TUSC3: variants seen among roughly 807,000 people sequenced by gnomAD.
TUSC3 encodes the protein tumor suppressor candidate 3, also known as dolichyl-diphosphooligosaccharide--protein glycosyltransferase subunit TUSC3.
In TUSC3, 45 loss-of-function variants were observed where a neutral mutation model predicts 44.8. That is an observed-to-expected ratio of 1.00 (90% CI 0.79 to 1.29). TUSC3 has a LOEUF of 1.29. TUSC3 is among the 50% of genes most tolerant of loss of function. The probability of loss-of-function intolerance (pLI) is 0.00; values close to 1 mark genes in which losing one functional copy is unlikely to be tolerated. For synonymous variants in TUSC3, 212 were observed against 152.9 expected (o/e 1.39, Z -2.85); for missense variants, 519 against 437.9 (o/e 1.19, Z -1.65).
rs141160572 is a variant in TUSC3 at position 15,528,832 on chromosome 8, A to G, written n.189+45349A>G. Among the ~76,000 whole-genome samples, 341 of 152,284 alleles carry G rather than the reference A, an allele frequency of 2.2e-3. 3 individuals carry two copies. The highest frequency in any genetic ancestry group is 1.1e-3 in the Non-Finnish European group (77 of 68,002). The stretch of plus-strand genomic sequence containing the variant: ...TCATTAAGATACCTTGAATTTTCTT[A>G]GTGAGTCTAGGAAAACTCTGAATGC... On this transcript the variant is annotated intron_variant and non_coding_transcript_variant, in intron 2 of 5. Coordinates refer to the TUSC3 transcript ENST00000503191.
rs574667292 is a variant in TUSC3, at chr8:15,684,976, C to G, written c.798+11140C>G. ...CGGGGTTACATGGATCAGATGCACC[C>G]CAGTCCTGTGGCAATGGTGGCCCTG... On this transcript the variant is annotated intron_variant, in intron 6 of 10. Coordinates refer to ENST00000503731, the MANE Select transcript of TUSC3 (RefSeq NM_006765.4). Among the ~76,000 whole-genome samples the G allele has an allele frequency of 2.0e-5, 3 of 152,272 alleles. No homozygotes were observed. In the South Asian group the frequency reaches 6.2e-4, roughly 32 times the overall value.
At chr8:15,692,259 TAAA>T (rs930821538) in intron 6 of TUSC3, among the ~76,000 whole-genome samples, 2 of 151,096 alleles carry the variant, frequency 1.3e-5, no homozygotes, top group Admixed American at 1.3e-4. Context: ...TCCATGTTCA[TAAA>T]AAAATATTGG....
At chr8:15,642,696 A>G (rs1255253391) in intron 2 of TUSC3, among the ~76,000 whole-genome samples, 1 of 152,150 alleles carries the variant, frequency 6.6e-6, no homozygotes, top group Non-Finnish European at 1.5e-5. Context: ...CAATATATAT[A>G]TATGAATTTA....
intron 1 of TUSC3, among the ~76,000 whole-genome samples, chr8:15,581,710 G>C (rs1803352560): frequency 7.1e-6 from 1 of 139,942 alleles, no homozygotes; most frequent in South Asian, 2.2e-4. Flanking sequence ...GAGAACCACT[G>C]CTCTCTTCAA....
At chr8:15,529,476 A>G (rs981906223) in intron 2 of TUSC3, among the ~76,000 whole-genome samples, 18 of 152,318 alleles carry the variant, frequency 1.2e-4, no homozygotes, top group Admixed American at 7.2e-4. Flanking sequence ...TTCACTGAAG[A>G]TACAGTTTAA....
rs143807134 is a variant in TUSC3, at chr8:15,634,869, T to C, written c.308+11620T>C. ...CTGGAGAGTTTTAGTATGAGAGATATAAGGGCATTTCAATGAAATTTATAG... is the reference window on the plus strand; with the variant it reads ...CTGGAGAGTTTTAGTATGAGAGATACAAGGGCATTTCAATGAAATTTATAG... On this transcript the variant is annotated intron_variant, in intron 2 of 10. Coordinates refer to ENST00000503731, the MANE Select transcript of TUSC3 (RefSeq NM_006765.4). Among the ~76,000 whole-genome samples the C allele has an allele frequency of 2.1e-3, 322 of 152,322 alleles. 2 individuals carry two copies. Among genetic ancestry groups the C allele is most frequent in the African/African-American group, 7.0e-3 (293 of 41,578 alleles).
chr8:15,828,080 C>T, the TUSC3 span, among the ~76,000 whole-genome samples: 1 of 150,996 alleles, frequency 6.6e-6, no homozygotes, highest in African/African-American at 2.4e-5. Flanking sequence ...CTGCAACCTC[C>T]ACCTCCCGGG....
At chr8:15,828,808 G>A in the TUSC3 span, among the ~76,000 whole-genome samples, 1 of 152,082 alleles carries the variant, frequency 6.6e-6, no homozygotes, top group East Asian at 1.9e-4. Flanking sequence ...ACTCTCTAAG[G>A]CTGAAAACAG....
intron 9 of TUSC3, among the ~76,000 whole-genome samples, chr8:15,757,373 A>G (rs556503824): frequency 1.3e-4 from 20 of 152,342 alleles, no homozygotes; most frequent in Admixed American, 2.6e-4. Flanking sequence ...ATTCATACCA[A>G]TTTTGAAAAA....
chr8:15,744,163 G>T (rs559063814), intron 8 of TUSC3, among the ~76,000 whole-genome samples: 1 of 152,212 alleles, frequency 6.6e-6, no homozygotes, highest in Non-Finnish European at 1.5e-5. Flanking sequence ...GATATACCAA[G>T]ATTTACAACT....
At chr8:15,418,956 T>G (rs748453733) in intron 1 of TUSC3, among the ~76,000 whole-genome samples, 1 of 152,108 alleles carries the variant, frequency 6.6e-6, no homozygotes, top group Admixed American at 6.5e-5. Flanking sequence ...CAGTGAGCCA[T>G]GATCAAACAC....
chr8:15,610,691 T>TA (rs1048074347), intron 1 of TUSC3, among the ~76,000 whole-genome samples: 37 of 152,288 alleles, frequency 2.4e-4, no homozygotes, highest in Admixed American at 6.5e-5. Context: ...TAAACCCCTT[T>TA]AAAAAAGTGA....
intron 1 of TUSC3, among the ~76,000 whole-genome samples, chr8:15,467,376 A>C (rs1328402226): frequency 6.6e-6 from 1 of 152,058 alleles, no homozygotes; most frequent in Non-Finnish European, 1.5e-5. Flanking sequence ...ACTATATCTG[A>C]AACATGGTGT....
intron 8 of TUSC3, among the ~76,000 whole-genome samples, chr8:15,744,526 A>G (rs1456627664): frequency 2.6e-5 from 4 of 152,126 alleles, no homozygotes; most frequent in Non-Finnish European, 5.9e-5. Context: ...TAAGATATTT[A>G]AAATAAAAAT....
chr8:15,497,026 A>G (rs950618478), intron 2 of TUSC3, among the ~76,000 whole-genome samples: 1 of 152,236 alleles, frequency 6.6e-6, no homozygotes, highest in African/African-American at 2.4e-5. Flanking sequence ...AAGATAGGGG[A>G]AGCAGATGAT....
intron 10 of TUSC3, among the ~76,000 whole-genome samples, chr8:15,761,610 G>C (rs1258873696): frequency 6.6e-6 from 1 of 152,192 alleles, no homozygotes; most frequent in Admixed American, 6.5e-5. Context: ...TGCACATGCA[G>C]ACTACTACTA....
the TUSC3 span, among the ~76,000 whole-genome samples, chr8:15,793,766 G>A: frequency 2.0e-5 from 3 of 152,188 alleles, no homozygotes; most frequent in Non-Finnish European, 2.9e-5. Flanking sequence ...ACAACACCTG[G>A]CACATATAGG....
At chr8:15,842,593 C>A in the TUSC3 span, among the ~76,000 whole-genome samples, 1 of 152,094 alleles carries the variant, frequency 6.6e-6, no homozygotes, top group African/African-American at 2.4e-5. Flanking sequence ...CCTGTGCATG[C>A]AAAGCAAGAT....
chr8:15,770,248 CATA>C (rs1393527428), downstream of TUSC3, among the ~76,000 whole-genome samples: 4 of 152,146 alleles, frequency 2.6e-5, no homozygotes, highest in East Asian at 5.8e-4. Context: ...AGGGTGAGTT[CATA>C]TCCTTTGCAG....
Sources: allele counts gnomAD v4.1 joint callset (sites outside exome capture counted in the v4.1 genomes callset), GRCh38; gene constraint gnomAD v4.1.1; transcripts MANE v1.5; gene names NCBI Gene and HGNC (gene_info 2026-07-23, HGNC 2026-07-21).